The following C10orf67 variants were observed in gnomAD, a reference collection of about 807,000 sequenced individuals.
C10orf67 encodes uncharacterized protein C10orf67, mitochondrial.
A neutral mutation model predicts 35.6 loss-of-function variants in C10orf67; 60 were observed. The observed-to-expected ratio is 1.68, with a 90% CI of 1.37 to 2.09. The LOEUF is 2.09. Ranked by LOEUF, C10orf67 falls within the 30% of genes most tolerant of loss-of-function variation. The pLI is 0.00. For synonymous variants in C10orf67, 167 were observed against 115.8 expected, an observed-to-expected ratio of 1.44 and a Z score of -2.84; for missense variants, 474 against 330.2, an observed-to-expected ratio of 1.44 and a Z score of -3.38.
chr10:23,337,291 T>C (rs980024756), intron 1 of C10orf67, among the ~76,000 whole-genome samples: 1 of 152,178 alleles, frequency 6.6e-6, no homozygotes, highest in South Asian at 2.1e-4. Context: ...CTCAGCACTT[T>C]GGGAGGCTGA....
intron 4 of C10orf67, chr10:23,317,644 T>A (rs1844780480): frequency 1.3e-5 from 2 of 152,214 alleles, no homozygotes; most frequent in South Asian, 4.1e-4. Flanking sequence ...CATAACTGTT[T>A]ACATAGAAAG....
intron 13 of C10orf67, among the ~76,000 whole-genome samples, chr10:23,233,097 C>G (rs550178451): frequency 6.6e-6 from 1 of 152,236 alleles, no homozygotes; most frequent in African/African-American, 2.4e-5. Flanking sequence ...TTTGATGTTA[C>G]AGTGAGCTAT....
At position 23,343,881 on chromosome 10, in the gene C10orf67, G is replaced by A. The variant is rs768521008; in HGVS notation, c.206+688C>T. 2.6e-5 allele frequency: 12 copies of A among 461,526 alleles called. No individual in the cohort carries two copies. In the East Asian group the frequency reaches 4.5e-4, roughly 17 times the overall value. 28.6% of individuals were successfully genotyped at this position (461,526 alleles called of 1,614,324 possible). On this transcript the variant is annotated intron_variant, in intron 1 of 15. Transcript: ENST00000636213. Reference sequence around the variant, plus strand: ...CGCGAGGGCTCCGGGGCGGGCCGGCGGGGACTGCCTCTCCCGCTGGTCACC... The same window carrying A: ...CGCGAGGGCTCCGGGGCGGGCCGGCAGGGACTGCCTCTCCCGCTGGTCACC...
chr10:23,327,685 C>A (rs1410835927), intron 2 of C10orf67, among the ~76,000 whole-genome samples: 2 of 151,956 alleles, frequency 1.3e-5, no homozygotes, highest in Non-Finnish European at 2.9e-5. Flanking sequence ...ATTATCCGGG[C>A]GTGGTGGCGT....
chr10:23,240,895 C>T (rs375464830), intron 12 of C10orf67, among the ~76,000 whole-genome samples: 2 of 152,150 alleles, frequency 1.3e-5, no homozygotes, highest in East Asian at 3.8e-4. Flanking sequence ...ACAACACTGC[C>T]AGATTGCACT....
At chr10:23,333,275 AT>A in intron 1 of C10orf67, 93 bp from the exon 2 acceptor site, 5 of 1,163,008 alleles carry the variant, frequency 4.3e-6, no homozygotes, top group Non-Finnish European at 6.1e-6. Flanking sequence ...ATCATATCGT[AT>A]TTTAAGTATT....
Position 23,320,795 on chromosome 10 carries a change from T to G in C10orf67, c.492A>C (p.Lys164Asn). The G allele has an allele frequency of 6.3e-7, 1 of 1,585,318 alleles. No homozygotes were observed. Among genetic ancestry groups the G allele is most frequent in the Non-Finnish European group, 8.6e-7 (1 of 1,164,532 alleles). ...HYQQNEDKMR[K>N]SFNQQLADAI... ...CATCAGCTAACTGCTGATTGAAGGA[T>G]TTTCTCATCTTATCCTCATTCTGCA... is the stretch of plus-strand genomic sequence containing the variant. The change falls in exon 4 of 16, where the codon AAA (lysine) becomes AAC (asparagine). Residue 164 changes from lysine (K) to asparagine (N), a missense_variant. Lys to Asn is a moderately conservative substitution (Grantham distance 94, BLOSUM62 0). Transcript: ENST00000636213.
chr10:23,274,117 T>C (rs1273705203), intron 8 of C10orf67, among the ~76,000 whole-genome samples: 2 of 151,670 alleles, frequency 1.3e-5, no homozygotes, highest in Admixed American at 6.6e-5. Context: ...AGTGTACGAA[T>C]AGGGAGTGGG....
intron 15 of C10orf67, among the ~76,000 whole-genome samples, chr10:23,212,147 G>T (rs1841326293): frequency 6.6e-6 from 1 of 152,238 alleles, no homozygotes; most frequent in Admixed American, 6.5e-5. Context: ...AAGGCAATGT[G>T]TAGACACAGG....
intron 2 of C10orf67, among the ~76,000 whole-genome samples, chr10:23,330,943 G>GA (rs1475903638): frequency 6.7e-6 from 1 of 149,148 alleles, no homozygotes; most frequent in African/African-American, 2.5e-5. Context: ...AGGAAACTAG[G>GA]AAAAAAGGAA....
intron 15 of C10orf67, among the ~76,000 whole-genome samples, chr10:23,204,911 G>A (rs902561102): frequency 1.3e-5 from 2 of 152,068 alleles, no homozygotes; most frequent in African/African-American, 4.8e-5. Flanking sequence ...GCTTTGAAGG[G>A]GAACAAAGGC....
At chr10:23,239,315 C>T (rs1448948653) in intron 13 of C10orf67, among the ~76,000 whole-genome samples, 2 of 152,148 alleles carry the variant, frequency 1.3e-5, no homozygotes, top group Non-Finnish European at 2.9e-5. Flanking sequence ...AATTGAATGG[C>T]TTGGCACTAG....
At chr10:23,274,217 C>T (rs879925074) in intron 8 of C10orf67, among the ~76,000 whole-genome samples, 10 of 152,174 alleles carry the variant, frequency 6.6e-5, no homozygotes, top group Non-Finnish European at 1.2e-4. Context: ...ATTAGAATTA[C>T]TGATGCAGGT....
At chr10:23,276,452 T>C (rs1272310010) in intron 8 of C10orf67, among the ~76,000 whole-genome samples, 1 of 152,112 alleles carries the variant, frequency 6.6e-6, no homozygotes, top group Non-Finnish European at 1.5e-5. Context: ...GCTCCCATTG[T>C]CATATAGTGT....
chr10:23,258,777 T>TA (rs1168093162), intron 10 of C10orf67, among the ~76,000 whole-genome samples: 1 of 152,136 alleles, frequency 6.6e-6, no homozygotes, highest in Non-Finnish European at 1.5e-5. Flanking sequence ...GCTGACAAGG[T>TA]TTTCCCCCAG....
intron 7 of C10orf67, among the ~76,000 whole-genome samples, chr10:23,284,114 T>TA (rs71395837): frequency 0.3 from 41,301 of 137,440 alleles, 6,501 homozygotes; most frequent in African/African-American, 0.39. Context: ...ATCCAGGGCT[T>TA]AAAAAAAAAA....
rs139436191 is a variant in C10orf67, at chr10:23,237,676, A to G, written c.1434+2053T>C. Among the ~76,000 whole-genome samples the G allele has an allele frequency of 2.9e-3, 448 of 152,372 alleles. 2 individuals are homozygous for G. The highest frequency in any genetic ancestry group is 0.01 in the African/African-American group (422 of 41,598). Reference sequence around the variant, plus strand: ...TATTGTGCTGTGTAAAATGGGCCAGACATAGCAAAGTATAAACTGTGTGAG... The same window carrying G: ...TATTGTGCTGTGTAAAATGGGCCAGGCATAGCAAAGTATAAACTGTGTGAG... On this transcript the variant is annotated intron_variant, in intron 13 of 15. Transcript: ENST00000636213.
chr10:23,202,491 A>G (rs1451147004), downstream of C10orf67: 2 of 149,746 alleles, frequency 1.3e-5, no homozygotes, highest in Non-Finnish European at 3.0e-5. Flanking sequence ...TTGTAAGACT[A>G]ATGCAGCTGC....
chr10:23,290,011 T>C (rs1235665688), intron 6 of C10orf67, 53 bp from the exon 7 acceptor site: 3 of 712,896 alleles, frequency 4.2e-6, no homozygotes, highest in East Asian at 5.4e-5. Flanking sequence ...CTTATGCCCC[T>C]GTATTTAAAC....
Sources: allele counts gnomAD v4.1 joint callset (sites outside exome capture counted in the v4.1 genomes callset), GRCh38; gene constraint gnomAD v4.1.1; transcripts MANE v1.5; gene names NCBI Gene and HGNC (gene_info 2026-07-23, HGNC 2026-07-21).